Variants in NRG3 observed in about 807,000 individuals in gnomAD.
NRG3 encodes the protein neuregulin 3, also known as pro-neuregulin-3, membrane-bound isoform.
NRG3 carries 31 observed loss-of-function variants against 66.9 expected under a neutral mutation model. The observed-to-expected ratio is 0.46, with a 90% CI of 0.35 to 0.63. The LOEUF (loss-of-function observed/expected upper bound fraction) is 0.63. Among genes scored for constraint, NRG3 ranks in the 20% least tolerant of loss-of-function variants. The pLI, the probability that NRG3 is intolerant of heterozygous loss-of-function variation, is 0.00. For synonymous variants in NRG3, 393 were observed against 359.4 expected, an observed-to-expected ratio of 1.09 and a Z score of -1.06; for missense variants, 910 against 878.9, an observed-to-expected ratio of 1.04 and a Z score of -0.45.
At chr10:82,407,064 C>T (rs543601959) in intron 2 of NRG3, among the ~76,000 whole-genome samples, 113 of 136,354 alleles carry the variant, frequency 8.3e-4, no homozygotes, top group Admixed American at 1.5e-3. Context: ...ACCCCCGCCC[C>T]CACCATTCCA....
intron 1 of NRG3, among the ~76,000 whole-genome samples, chr10:81,966,620 CT>C (rs2059739823): frequency 6.6e-6 from 1 of 151,976 alleles, no homozygotes; most frequent in Admixed American, 6.6e-5. Flanking sequence ...TATTTTCTAC[CT>C]TTGGAAACAG....
chr10:82,752,800 T>C (rs188980849), intron 3 of NRG3, among the ~76,000 whole-genome samples: 1 of 152,182 alleles, frequency 6.6e-6, no homozygotes, highest in Non-Finnish European at 1.5e-5. Context: ...GCAGTATAAG[T>C]ACAAGGGCCT....
At chr10:82,570,745 T>C (rs1321723623) in intron 2 of NRG3, among the ~76,000 whole-genome samples, 1 of 151,676 alleles carries the variant, frequency 6.6e-6, no homozygotes, top group Non-Finnish European at 1.5e-5. Flanking sequence ...GTTTGATATA[T>C]AGGGCTTGAC....
chr10:82,748,764 G>C (rs1755280512), intron 3 of NRG3, among the ~76,000 whole-genome samples: 1 of 150,704 alleles, frequency 6.6e-6, no homozygotes, highest in Non-Finnish European at 1.5e-5. Flanking sequence ...CCACTTTAAT[G>C]TGTGGAAACT....
intron 3 of NRG3, among the ~76,000 whole-genome samples, chr10:82,803,878 C>A (rs1197510581): frequency 6.6e-6 from 1 of 150,960 alleles, no homozygotes; most frequent in East Asian, 1.9e-4. Context: ...GGTTTTAGTT[C>A]CCCAAGGTCA....
At chr10:82,347,761 T>G (rs1391831736) in intron 1 of NRG3, among the ~76,000 whole-genome samples, 4 of 152,212 alleles carry the variant, frequency 2.6e-5, no homozygotes, top group African/African-American at 9.7e-5. Flanking sequence ...CTGTATTGGG[T>G]GCATATATAT....
intron 1 of NRG3, among the ~76,000 whole-genome samples, chr10:82,095,696 A>G: frequency 6.6e-6 from 1 of 152,198 alleles, no homozygotes; most frequent in East Asian, 1.9e-4. Context: ...ATTCTCTGTC[A>G]ATGCATCAGG....
chr10:82,606,148 C>G (rs941441201), intron 2 of NRG3, among the ~76,000 whole-genome samples: 3 of 152,042 alleles, frequency 2.0e-5, no homozygotes, highest in African/African-American at 7.2e-5. Context: ...TCCTTTTATT[C>G]TACTATACAC....
chr10:82,089,127 G>A (rs2065887544), intron 1 of NRG3, among the ~76,000 whole-genome samples: 1 of 152,054 alleles, frequency 6.6e-6, no homozygotes, highest in Non-Finnish European at 1.5e-5. Flanking sequence ...TCTACAGTTA[G>A]TTTTAGGAAT....
At chr10:82,481,864 G>A (rs1484097712) in intron 2 of NRG3, among the ~76,000 whole-genome samples, 1 of 152,118 alleles carries the variant, frequency 6.6e-6, no homozygotes, top group Non-Finnish European at 1.5e-5. Context: ...GTGGGTGCCT[G>A]TAATCTTAGC....
At chr10:82,831,258 CAA>C (rs2062505924) in intron 3 of NRG3, among the ~76,000 whole-genome samples, 3 of 152,056 alleles carry the variant, frequency 2.0e-5, no homozygotes, top group Non-Finnish European at 4.4e-5. Flanking sequence ...CCAGGGAACT[CAA>C]CAATATTTTA....
intron 1 of NRG3, among the ~76,000 whole-genome samples, chr10:82,226,983 G>A (rs1564684989): frequency 6.6e-6 from 1 of 152,178 alleles, no homozygotes; most frequent in Non-Finnish European, 1.5e-5. Flanking sequence ...AATTTGTCTT[G>A]TCTTTTCTGT....
Position 82,035,772 on chromosome 10 carries a change from A to G in NRG3, c.823+159609A>G, listed in dbSNP as rs75211127. Among the ~76,000 whole-genome samples the G allele has an allele frequency of 4.7e-3, 711 of 152,248 alleles. 5 individuals carry two copies. The highest frequency in any genetic ancestry group is 0.016 in the African/African-American group (682 of 41,560). ...TTTTTTCAATACTCTGCTTAAGAAT[A>G]ATTTGTAATATCTTTAGGATGAAGT... On this transcript the variant is annotated intron_variant, in intron 1 of 8. Coordinates refer to ENST00000372141, the MANE Select transcript of NRG3 (RefSeq NM_001010848.4).
chr10:82,808,198 T>TA (rs34300474), intron 3 of NRG3, among the ~76,000 whole-genome samples: 69,339 of 146,910 alleles, frequency 0.47, 17,308 homozygotes, highest in Non-Finnish European at 0.58. Context: ...ACACACGTAG[T>TA]AAAAAAAAAA....
intron 1 of NRG3, among the ~76,000 whole-genome samples, chr10:81,975,462 G>A (rs2060089753): frequency 6.6e-6 from 1 of 152,000 alleles, no homozygotes; most frequent in Non-Finnish European, 1.5e-5. Flanking sequence ...TATATCCTAA[G>A]ATGAGGGTTA....
At chr10:82,969,260 T>G (rs1183169832) in intron 6 of NRG3, among the ~76,000 whole-genome samples, 1 of 152,188 alleles carries the variant, frequency 6.6e-6, no homozygotes, top group Non-Finnish European at 1.5e-5. Flanking sequence ...TGTAAACCAG[T>G]TTATTAGATA....
chr10:82,436,934 G>C (rs923664804), intron 2 of NRG3, among the ~76,000 whole-genome samples: 6 of 152,134 alleles, frequency 3.9e-5, no homozygotes, highest in Non-Finnish European at 8.8e-5. Context: ...TCCCTTTGTA[G>C]ATGATCTGGC....
At chr10:82,965,042 G>A (rs949165710) in intron 6 of NRG3, among the ~76,000 whole-genome samples, 2 of 152,152 alleles carry the variant, frequency 1.3e-5, no homozygotes, top group Non-Finnish European at 2.9e-5. Context: ...GCACTTTCAG[G>A]GGGGCCAGTT....
chr10:81,956,572 T>G (rs1225139158), intron 1 of NRG3, among the ~76,000 whole-genome samples: 2 of 152,178 alleles, frequency 1.3e-5, no homozygotes, highest in Non-Finnish European at 2.9e-5. Flanking sequence ...AACTGTACTT[T>G]CAAAATATAG....
Sources: allele counts gnomAD v4.1 joint callset (sites outside exome capture counted in the v4.1 genomes callset), GRCh38; gene constraint gnomAD v4.1.1; transcripts MANE v1.5; gene names NCBI Gene and HGNC (gene_info 2026-07-23, HGNC 2026-07-21).